Variants in PXYLP1 observed in about 807,000 individuals in gnomAD.
PXYLP1 encodes acid phosphatase-like 2.
A neutral mutation model predicts 37.9 loss-of-function variants in PXYLP1; 17 were observed. The observed-to-expected ratio is 0.45, with a 90% CI of 0.31 to 0.67. The LOEUF is 0.67. Among genes scored for constraint, PXYLP1 ranks in the 30% least tolerant of loss-of-function variants. The pLI is 0.07. For missense variants in PXYLP1, 511 were observed against 612.0 expected (o/e 0.84, Z 1.74); for synonymous variants, 221 against 232.2 (o/e 0.95, Z 0.44).
At chr3:141,260,598 G>A (rs1941371749) in intron 2 of PXYLP1, among the ~76,000 whole-genome samples, 1 of 152,196 alleles carries the variant, frequency 6.6e-6, no homozygotes, top group South Asian at 2.1e-4. Flanking sequence ...TGCAAGTTGG[G>A]TGTCTGTTTA....
intron 1 of PXYLP1, among the ~76,000 whole-genome samples, chr3:141,257,356 A>G (rs998940501): frequency 4.6e-5 from 7 of 152,202 alleles, no homozygotes; most frequent in Non-Finnish European, 7.3e-5. Context: ...ACAAGCCCCA[A>G]TGCATAAGTA....
intron 5 of PXYLP1, among the ~76,000 whole-genome samples, chr3:141,291,040 G>A (rs1235802320): frequency 2.6e-5 from 4 of 152,156 alleles, no homozygotes; most frequent in Admixed American, 2.0e-4. Context: ...GTTCCTGGGG[G>A]AGTTCTGTTC....
chr3:141,233,241 GC>G (rs1256320478), intron 1 of PXYLP1, among the ~76,000 whole-genome samples: 1 of 152,182 alleles, frequency 6.6e-6, no homozygotes, highest in Non-Finnish European at 1.5e-5. Context: ...GCCGAGGCGG[GC>G]GGATCACCAG....
intron 4 of PXYLP1, among the ~76,000 whole-genome samples, chr3:141,281,663 A>T (rs566727609): frequency 2.0e-5 from 3 of 152,228 alleles, no homozygotes; most frequent in African/African-American, 7.2e-5. Context: ...CAGGGAGGGG[A>T]CATGGGGTGG....
In PXYLP1 at chr3:141,293,409, A is replaced by G. The variant is rs1214234979; in HGVS notation, c.*204A>G. The G allele has an allele frequency of 3.4e-6, 2 of 592,656 alleles. No individual in the cohort carries two copies. Among genetic ancestry groups the G allele is most frequent in the Non-Finnish European group, 5.9e-6 (2 of 340,000 alleles). 36.7% of individuals were successfully genotyped at this position (592,656 alleles called of 1,614,324 possible). A position where few individuals can be genotyped will look rare whatever the true frequency, so the allele number is the denominator to read the frequency against. On this transcript the variant is annotated 3_prime_UTR_variant, in exon 6 of 6. Coordinates refer to ENST00000286353, the MANE Select transcript of PXYLP1 (RefSeq NM_001037172.3). ...GTGAATTGCTTGGTACAAAATGGCC[A>G]GTTCACAGAGGAATAGAAGGTACTT...
intron 2 of PXYLP1, among the ~76,000 whole-genome samples, chr3:141,268,911 T>C (rs1304990695): frequency 6.6e-6 from 1 of 152,228 alleles, no homozygotes; most frequent in Non-Finnish European, 1.5e-5. Context: ...CATCACATCT[T>C]GCCTCTCTTT....
chr3:141,280,604 T>C (rs1223174743), intron 4 of PXYLP1, among the ~76,000 whole-genome samples: 1 of 152,200 alleles, frequency 6.6e-6, no homozygotes, highest in Non-Finnish European at 1.5e-5. Context: ...AAAACAGTAA[T>C]AGTTGACTCA....
At chr3:141,278,275 G>A (rs1214949068) in intron 2 of PXYLP1, 67 bp from the exon 3 acceptor site, 24 of 1,573,946 alleles carry the variant, frequency 1.5e-5, no homozygotes, top group African/African-American at 1.1e-4. Context: ...CCAGCCCTGC[G>A]CTGGGCCTTG....
At chr3:141,253,213 T>G (rs897774445) in intron 1 of PXYLP1, among the ~76,000 whole-genome samples, 4 of 152,152 alleles carry the variant, frequency 2.6e-5, no homozygotes, top group Non-Finnish European at 4.4e-5. Flanking sequence ...GTAGGACACC[T>G]TGAGGTCAGT....
At chr3:141,261,287 A>G (rs1320160772) in intron 2 of PXYLP1, among the ~76,000 whole-genome samples, 1 of 152,156 alleles carries the variant, frequency 6.6e-6, no homozygotes, top group Non-Finnish European at 1.5e-5. Flanking sequence ...CTGGATAGCT[A>G]GGACTGGAGG....
intron 1 of PXYLP1, among the ~76,000 whole-genome samples, chr3:141,252,083 G>A (rs1941152761): frequency 6.6e-6 from 1 of 152,118 alleles, no homozygotes; most frequent in South Asian, 2.1e-4. Flanking sequence ...CGTAGAGCAG[G>A]GCTCTAGACC....
chr3:141,272,986 A>G (rs1941704651), intron 2 of PXYLP1: 1 of 985,268 alleles, frequency 1.0e-6, no homozygotes, highest in African/African-American at 1.7e-5. Context: ...CACATCTGGT[A>G]ACTTCCCAAT....
chr3:141,288,375 T>A (rs1942124723), intron 5 of PXYLP1, among the ~76,000 whole-genome samples: 1 of 152,178 alleles, frequency 6.6e-6, no homozygotes, highest in African/African-American at 2.4e-5. Context: ...TCTTAGGTTT[T>A]GCCATTATTA....
At chr3:141,236,855 T>G (rs899424192) in intron 1 of PXYLP1, among the ~76,000 whole-genome samples, 8 of 152,184 alleles carry the variant, frequency 5.3e-5, no homozygotes, top group African/African-American at 1.9e-4. Flanking sequence ...ACTATTAAGC[T>G]TAAATCTTAA....
intron 1 of PXYLP1, among the ~76,000 whole-genome samples, chr3:141,250,477 G>A (rs532851049): frequency 1.3e-5 from 2 of 152,360 alleles, no homozygotes; most frequent in South Asian, 4.1e-4. Context: ...GCGTCTGCCA[G>A]GAGGTGCATC....
At chr3:141,244,159 T>C (rs552979418) in intron 1 of PXYLP1, among the ~76,000 whole-genome samples, 3 of 151,628 alleles carry the variant, frequency 2.0e-5, no homozygotes, top group South Asian at 2.1e-4. Flanking sequence ...TTAATGTTTT[T>C]CCTTTTTAAA....
At chr3:141,279,318 C>T (rs1270724940) in intron 3 of PXYLP1, 60 bp from the exon 4 acceptor site, 6 of 1,600,102 alleles carry the variant, frequency 3.7e-6, no homozygotes, top group African/African-American at 2.7e-5. Flanking sequence ...CCCTTGGCCC[C>T]CTTCTAAAAG....
Position 141,268,930 on chromosome 3 carries a change from C to T in PXYLP1, c.79+8676C>T, listed in dbSNP as rs77233341. Among the ~76,000 whole-genome samples the T allele has an allele frequency of 6.6e-3, 1,012 of 152,342 alleles. 14 individuals are homozygous for T. Among genetic ancestry groups the T allele is most frequent in the African/African-American group, 0.022 (935 of 41,578 alleles). On this transcript the variant is annotated intron_variant, in intron 2 of 5. Transcript: ENST00000286353. The stretch of plus-strand genomic sequence containing the variant: ...ACATCTTGCCTCTCTTTGCCTTTCT[C>T]TTTTCCCTGTGTCATCCGAGGGGCT...
At chr3:141,282,884 T>C (rs1941986418) in intron 4 of PXYLP1, among the ~76,000 whole-genome samples, 2 of 152,070 alleles carry the variant, frequency 1.3e-5, no homozygotes, top group African/African-American at 4.8e-5. Flanking sequence ...AAGGGAGGTA[T>C]GGGGGGAAGT....
Sources: allele counts gnomAD v4.1 joint callset (sites outside exome capture counted in the v4.1 genomes callset), GRCh38; gene constraint gnomAD v4.1.1; transcripts MANE v1.5; gene names NCBI Gene and HGNC (gene_info 2026-07-23, HGNC 2026-07-21).